Variants in PIP5K1A observed in about 807,000 individuals in gnomAD.
The protein encoded by PIP5K1A is phosphatidylinositol-4-phosphate 5-kinase type 1 alpha, also known as phosphatidylinositol 4-phosphate 5-kinase type-1 alpha.
In PIP5K1A, 46 loss-of-function variants were observed where a neutral mutation model predicts 72.9. The ratio of observed to expected loss-of-function variants is 0.63; its 90% CI spans 0.50 to 0.81. The LOEUF (loss-of-function observed/expected upper bound fraction) is 0.81, where lower values mean the gene tolerates loss of function less well. Among genes scored for constraint, PIP5K1A ranks in the 30% least tolerant of loss-of-function variants. PIP5K1A has a pLI of 0.00. For missense variants in PIP5K1A, 458 were observed against 706.1 expected (o/e 0.65, Z 3.98); for synonymous variants, 228 against 255.1 (o/e 0.89, Z 1.01).
At chr1:151,240,708 G>A (rs946000800) in intron 12 of PIP5K1A, among the ~76,000 whole-genome samples, 2 of 151,656 alleles carry the variant, frequency 1.3e-5, no homozygotes, top group Non-Finnish European at 2.9e-5. Context: ...CAGGAGGATC[G>A]GTTAAGCCCG....
Position 151,239,042 on chromosome 1 carries a change from A to G in PIP5K1A, c.1230-88A>G, listed in dbSNP as rs1399099509. ...AGCTTCTGTCTTTTCAAGATTTTCT[A>G]TTACCCCTTTAACCCCCTAAAATAT... On this transcript the variant is annotated intron_variant, in intron 10 of 15. Coordinates refer to ENST00000368888, the MANE Select transcript of PIP5K1A (RefSeq NM_001135638.2). 11 of 914,080 alleles carry G rather than the reference A, an allele frequency of 1.2e-5. 1 individual carries two copies. The East Asian group carries it at 1.5e-4, about 12-fold the overall frequency. 56.6% of individuals were successfully genotyped at this position (914,080 alleles called of 1,614,324 possible). A position where few individuals can be genotyped will look rare whatever the true frequency, so the allele number is the denominator to read the frequency against.
intron 4 of PIP5K1A, among the ~76,000 whole-genome samples, chr1:151,229,072 A>T (rs1689594899): frequency 6.8e-6 from 1 of 147,400 alleles, no homozygotes; most frequent in Non-Finnish European, 1.5e-5. Flanking sequence ...GGAGGCTGAG[A>T]CATGAGAATA....
chr1:151,210,486 G>A (rs1686647768), intron 1 of PIP5K1A, among the ~76,000 whole-genome samples: 1 of 151,764 alleles, frequency 6.6e-6, no homozygotes, highest in Non-Finnish European at 1.5e-5. Flanking sequence ...CCTGCTTGGT[G>A]TGGCGCTCCA....
chr1:151,210,525 T>C (rs1367235079), intron 1 of PIP5K1A, among the ~76,000 whole-genome samples: 1 of 151,926 alleles, frequency 6.6e-6, no homozygotes, highest in Admixed American at 6.6e-5. Flanking sequence ...CCACTGAGAG[T>C]TAGCATTTTA....
At chr1:151,239,398 G>C (rs898798646) in intron 11 of PIP5K1A, among the ~76,000 whole-genome samples, 1 of 149,828 alleles carries the variant, frequency 6.7e-6, no homozygotes, top group African/African-American at 2.5e-5. Context: ...TCAGCTTCCC[G>C]AGTAGGTGGG....
intron 14 of PIP5K1A, among the ~76,000 whole-genome samples, chr1:151,245,274 C>T (rs1179686584): frequency 6.6e-6 from 1 of 152,148 alleles, no homozygotes; most frequent in Non-Finnish European, 1.5e-5. Flanking sequence ...CACATAATCA[C>T]AAATCACATT....
chr1:151,195,684 G>A (rs1684538414), upstream of PIP5K1A, among the ~76,000 whole-genome samples: 1 of 151,634 alleles, frequency 6.6e-6, no homozygotes, highest in African/African-American at 2.4e-5. Flanking sequence ...CCGGGAGGTG[G>A]AGGTTGCAGT....
intron 1 of PIP5K1A, 118 bp downstream of exon 1, chr1:151,199,199 C>G: frequency 6.4e-7 from 1 of 1,556,154 alleles, no homozygotes; most frequent in East Asian, 2.3e-5. Flanking sequence ...TAAGTGGGCG[C>G]GAGCTGGGCT....
chr1:151,212,126 A>G (rs968383738), intron 1 of PIP5K1A, among the ~76,000 whole-genome samples: 22 of 151,638 alleles, frequency 1.5e-4, no homozygotes, highest in Non-Finnish European at 2.9e-4. Flanking sequence ...AAAAAAAAAG[A>G]TTTTGTTTAC....
Position 151,198,734 on chromosome 1 carries a change from AG to A in PIP5K1A, c.-259del, listed in dbSNP as rs2101767368. On this transcript the variant is annotated 5_prime_UTR_variant, in exon 1 of 16. Coordinates refer to ENST00000368888, the MANE Select transcript of PIP5K1A (RefSeq NM_001135638.2). ...CAGCTTAAGCTTACTCTTCTGTGAA[AG>A]GGGAAAGTATCCCCTGTGGAAAGCG... The A allele has an allele frequency of 1.8e-6, 1 of 548,944 alleles. No homozygotes were observed. Among genetic ancestry groups the A allele is most frequent in the Admixed American group, 3.1e-5 (1 of 32,684 alleles). 34.0% of individuals were successfully genotyped at this position (548,944 alleles called of 1,614,324 possible). A position where few individuals can be genotyped will look rare whatever the true frequency, so the allele number is the denominator to read the frequency against.
intron 1 of PIP5K1A, among the ~76,000 whole-genome samples, chr1:151,218,222 C>T (rs1687912789): frequency 6.6e-6 from 1 of 152,138 alleles, no homozygotes; most frequent in Non-Finnish European, 1.5e-5. Context: ...ACTGGCATTG[C>T]CTAATTCAGA....
intron 10 of PIP5K1A, chr1:151,238,578 C>G: frequency 3.1e-6 from 1 of 320,560 alleles, no homozygotes. Context: ...TGAGATGAGT[C>G]ATGTTCCACA....
At chr1:151,214,209 ATTATAG>A (rs1219385183) in intron 1 of PIP5K1A, among the ~76,000 whole-genome samples, 1 of 152,172 alleles carries the variant, frequency 6.6e-6, no homozygotes. Context: ...GATCTATGCA[ATTATAG>A]TTATATATAC....
intron 1 of PIP5K1A, among the ~76,000 whole-genome samples, chr1:151,201,915 A>G (rs1196367769): frequency 6.6e-6 from 1 of 152,164 alleles, no homozygotes; most frequent in Non-Finnish European, 1.5e-5. Context: ...TTGATGGACT[A>G]TGGAAAGATT....
chr1:151,199,355 G>A (rs1684876712), intron 1 of PIP5K1A, among the ~76,000 whole-genome samples: 2 of 152,236 alleles, frequency 1.3e-5, no homozygotes, highest in Non-Finnish European at 2.9e-5. Context: ...GCTCACGCCT[G>A]TAATCTCAGC....
intron 3 of PIP5K1A, among the ~76,000 whole-genome samples, chr1:151,226,713 C>G (rs375170630): frequency 8.0e-6 from 1 of 124,804 alleles, no homozygotes; most frequent in African/African-American, 3.1e-5. Flanking sequence ...AACTCTGTCT[C>G]AAAAAAAAAA....
At chr1:151,231,923 A>T in intron 5 of PIP5K1A, 122 bp downstream of exon 5, 1 of 889,252 alleles carries the variant, frequency 1.1e-6, no homozygotes, top group Non-Finnish European at 1.8e-6. Context: ...ACCTGGTTAC[A>T]ATCAGGGCGA....
At chr1:151,235,132 G>C (rs1417611508) in intron 8 of PIP5K1A, among the ~76,000 whole-genome samples, 4 of 151,940 alleles carry the variant, frequency 2.6e-5, no homozygotes, top group African/African-American at 9.7e-5. Flanking sequence ...ACCCAGGCTG[G>C]AGTGCAATGG....
intron 1 of PIP5K1A, among the ~76,000 whole-genome samples, chr1:151,209,033 C>CTT (rs1223884492): frequency 2.1e-5 from 3 of 141,544 alleles, no homozygotes; most frequent in South Asian, 2.2e-4. Flanking sequence ...CGCCTGGCCG[C>CTT]TTTTTTTTTT....
Sources: allele counts gnomAD v4.1 joint callset (sites outside exome capture counted in the v4.1 genomes callset), GRCh38; gene constraint gnomAD v4.1.1; transcripts MANE v1.5; gene names NCBI Gene and HGNC (gene_info 2026-07-23, HGNC 2026-07-21).